Variants in LONP2 observed in about 807,000 individuals in gnomAD.
LONP2 encodes the protein lon peptidase 2, peroxisomal.
LONP2 carries 60 observed loss-of-function variants against 85.6 expected under a neutral mutation model. That is an observed-to-expected ratio of 0.70 (90% CI 0.57 to 0.87). LONP2 has a LOEUF of 0.87. Among genes scored for constraint, LONP2 ranks in the 40% least tolerant of loss-of-function variants. The probability of loss-of-function intolerance (pLI) is 0.00; values close to 1 mark genes in which losing one functional copy is unlikely to be tolerated. For synonymous variants in LONP2, 395 were observed against 389.7 expected (o/e 1.01, Z -0.16); for missense variants, 860 against 1,063.5 (o/e 0.81, Z 2.66).
chr16:48,352,669 C>G lies in LONP2; in HGVS notation c.*867C>G, dbSNP rs1244214909. The G allele has an allele frequency of 6.6e-6, 1 of 152,228 alleles. No homozygotes were observed. The highest frequency in any genetic ancestry group is 1.9e-4 in the East Asian group (1 of 5,188). The allele number at this position is 152,228 out of a possible 1,614,324, so 9.4% of individuals were successfully genotyped here. ...ACTCAAGTGGACCCTACAATGAAGC[C>G]TACACATCCCAATAGAAGCCCCTTC... On this transcript the variant is annotated 3_prime_UTR_variant, in exon 15 of 15. Coordinates refer to ENST00000285737, the MANE Select transcript of LONP2 (RefSeq NM_031490.5).
At chr16:48,319,650 A>G (rs1041959866) in intron 11 of LONP2, among the ~76,000 whole-genome samples, 7 of 152,160 alleles carry the variant, frequency 4.6e-5, no homozygotes, top group Admixed American at 4.6e-4. Flanking sequence ...AGGCTGTGAC[A>G]GCTGGCTTCT....
chr16:48,303,161 T>G lies in LONP2; in HGVS notation c.1662-11T>G. ...TATAGTCAAAAATAAAATATTTTTGTTTGATGACAGGTATACCAGAGAGGC... is the reference window on the plus strand; with the variant it reads ...TATAGTCAAAAATAAAATATTTTTGGTTGATGACAGGTATACCAGAGAGGC... On this transcript the variant is annotated splice_polypyrimidine_tract_variant and intron_variant, in intron 10 of 14. Coordinates refer to ENST00000285737, the MANE Select transcript of LONP2 (RefSeq NM_031490.5). 1 of 1,612,932 alleles carries G rather than the reference T, an allele frequency of 6.2e-7. No individual in the cohort carries two copies. Among genetic ancestry groups the G allele is most frequent in the Non-Finnish European group, 8.5e-7 (1 of 1,179,036 alleles).
chr16:48,314,234 C>A (rs1243335016), intron 11 of LONP2, among the ~76,000 whole-genome samples: 3 of 150,842 alleles, frequency 2.0e-5, no homozygotes, highest in African/African-American at 7.3e-5. Context: ...TTGAAAAATT[C>A]TTTTCCCATT....
chr16:48,311,719 C>T (rs1322423842), intron 11 of LONP2, among the ~76,000 whole-genome samples: 4 of 152,064 alleles, frequency 2.6e-5, no homozygotes, highest in African/African-American at 7.2e-5. Context: ...ATTGTAAGCC[C>T]AAGCAGTCCT....
chr16:48,275,618 G>A (rs923222493), intron 7 of LONP2, among the ~76,000 whole-genome samples: 5 of 152,136 alleles, frequency 3.3e-5, no homozygotes, highest in African/African-American at 9.7e-5. Context: ...AGCAGGAAGA[G>A]GAGTATTAAG....
chr16:48,251,232 C>G (rs1247388286), intron 1 of LONP2, among the ~76,000 whole-genome samples: 6 of 152,104 alleles, frequency 3.9e-5, no homozygotes, highest in African/African-American at 1.4e-4. Context: ...GTTGAGAGTT[C>G]TAGTCCTTCT....
rs190722025 is a variant in LONP2, at chr16:48,306,575, G to A, written c.1795+3270G>A. On this transcript the variant is annotated intron_variant, in intron 11 of 14. Transcript: ENST00000285737. ...GAATAAATACTTGTCTCTTGGAGAC[G>A]ATTTTGGGTGTAGTCTTTACTAGAG... Among the ~76,000 whole-genome samples the A allele has an allele frequency of 1.8e-4, 28 of 152,246 alleles. No homozygotes were observed. The East Asian group carries it at 5.2e-3, about 28-fold the overall frequency.
At position 48,362,487 on chromosome 16, in the gene LONP2, A is replaced by T. The variant is rs748161258; in HGVS notation, c.*624A>T. On this transcript the variant is annotated 3_prime_UTR_variant, in exon 5 of 5. Transcript: ENST00000565867. This position sits in a 1 kb window ranked among gnomAD's most constrained non-coding sequence, Gnocchi z 4.2. ...AATAATTATAACCATGACTTACTTTATAAATAATGTTTACATGCCATAAGT... is the reference window on the plus strand; with the variant it reads ...AATAATTATAACCATGACTTACTTTTTAAATAATGTTTACATGCCATAAGT... The T allele has an allele frequency of 6.4e-7, 1 of 1,563,334 alleles. No individual in the cohort carries two copies. Among genetic ancestry groups the T allele is most frequent in the Non-Finnish European group, 8.8e-7 (1 of 1,140,844 alleles).
At chr16:48,351,549 T>A in intron 14 of LONP2, 32 bp from the exon 15 acceptor site, 1 of 1,584,282 alleles carries the variant, frequency 6.3e-7, no homozygotes, top group Non-Finnish European at 8.6e-7. Context: ...AGGGTGATCA[T>A]TAACCCTAAA....
At chr16:48,303,405 C>A in intron 11 of LONP2, 100 bp downstream of exon 11, 1 of 1,343,688 alleles carries the variant, frequency 7.4e-7, no homozygotes, top group Non-Finnish European at 1.0e-6. Flanking sequence ...GTCCTTGGAG[C>A]AGTGGCACAC....
intron 11 of LONP2, among the ~76,000 whole-genome samples, chr16:48,330,664 A>T (rs987127004): frequency 6.6e-6 from 1 of 152,180 alleles, no homozygotes; most frequent in Admixed American, 6.5e-5. Context: ...CACACTTTGC[A>T]TTACACACAG....
chr16:48,310,408 A>G (rs573684107), intron 11 of LONP2, among the ~76,000 whole-genome samples: 2 of 151,686 alleles, frequency 1.3e-5, no homozygotes, highest in African/African-American at 2.4e-5. Flanking sequence ...CTGGAGTGCA[A>G]TGGCGCGATC....
intron 12 of LONP2, among the ~76,000 whole-genome samples, chr16:48,342,533 G>T (rs1381452216): frequency 6.6e-6 from 1 of 152,214 alleles, no homozygotes; most frequent in Admixed American, 6.5e-5. Context: ...GTTGTGCCAA[G>T]AAAAGGCCCT....
chr16:48,294,905 A>T (rs1972635889), intron 8 of LONP2, among the ~76,000 whole-genome samples: 2 of 152,180 alleles, frequency 1.3e-5, no homozygotes, highest in South Asian at 4.1e-4. Context: ...AACCCTATTT[A>T]TAGTAATTGG....
rs776279106 is a variant in LONP2, at chr16:48,353,178, T to C, written c.*1376T>C. ...TCTTTTATTACACAATATAAGAATA[T>C]GTATGTAAAGACATTTTGGAATTTC... On this transcript the variant is annotated 3_prime_UTR_variant, in exon 15 of 15. Transcript: ENST00000285737. The C allele has an allele frequency of 6.6e-6, 1 of 152,164 alleles. No homozygotes were observed. The highest frequency in any genetic ancestry group is 6.5e-5 in the Admixed American group (1 of 15,268). The allele number at this position is 152,164 out of a possible 1,614,324, so 9.4% of individuals were successfully genotyped here.
intron 12 of LONP2, among the ~76,000 whole-genome samples, chr16:48,341,282 A>T (rs2151029108): frequency 6.6e-6 from 1 of 152,268 alleles, no homozygotes; most frequent in South Asian, 2.1e-4. Context: ...CTTGGGACAC[A>T]GAGTGAGACT....
downstream of LONP2, chr16:48,361,480 C>T: frequency 5.1e-6 from 6 of 1,181,826 alleles, 1 homozygote; most frequent in South Asian, 5.0e-5. Context: ...TGTCTAGCTT[C>T]CACCTACCGA....
rs1960635170 is a variant in LONP2 at position 48,362,544 on chromosome 16, C to CA, written c.*685dup. The CA allele has an allele frequency of 2.9e-6, 3 of 1,032,162 alleles. No individual in the cohort carries two copies. The highest frequency in any genetic ancestry group is 5.1e-5 in the East Asian group (2 of 38,854). 63.9% of individuals were successfully genotyped at this position (1,032,162 alleles called of 1,614,324 possible). A position where few individuals can be genotyped will look rare whatever the true frequency, so the allele number is the denominator to read the frequency against. On this transcript the variant is annotated 3_prime_UTR_variant, in exon 5 of 5. Transcript: ENST00000565867. The surrounding 1 kb of genome is among the most constrained non-coding windows in gnomAD (Gnocchi z 4.2). ...AAAGTTTCATACAAAATTTACTGAG[C>CA]AAAAGAGGAAGAAAAATAGGATTAA...
chr16:48,282,227 G>A (rs1394930144), intron 8 of LONP2, among the ~76,000 whole-genome samples: 1 of 151,870 alleles, frequency 6.6e-6, no homozygotes, highest in African/African-American at 2.4e-5. Context: ...TGGCTAACGT[G>A]GCGAAACCCT....
Sources: gnomAD v4.1 joint callset for allele counts (sites outside exome capture counted in the v4.1 genomes callset) on GRCh38, gnomAD v4.1.1 for gene constraint, Gnocchi (gnomAD v3.1) non-coding constraint, MANE v1.5 for transcripts, NCBI Gene and HGNC (gene_info 2026-07-23, HGNC 2026-07-21) for gene names.